DMD: variants seen among roughly 807,000 people sequenced by gnomAD.
DMD encodes mutant dystrophin.
A neutral mutation model predicts 330.1 loss-of-function variants in DMD; 63 were observed. The observed-to-expected ratio is 0.19, with a 90% CI of 0.16 to 0.24. The LOEUF (loss-of-function observed/expected upper bound fraction) is 0.24. Ranked by LOEUF, DMD falls within the 10% of genes least tolerant of loss-of-function variation. The probability of loss-of-function intolerance (pLI) is 1.00; values close to 1 mark genes in which losing one functional copy is unlikely to be tolerated. For missense variants in DMD, 3,344 were observed against 2,684.1 expected (o/e 1.25, Z -5.43); for synonymous variants, 1,223 against 959.8 (o/e 1.27, Z -5.07).
chrX:31,783,058 T>C (rs1471466439), intron 50 of DMD, among the ~76,000 whole-genome samples: 1 of 111,775 alleles, frequency 8.9e-6, no homozygotes, highest in Admixed American at 9.5e-5. Context: ...AAGACCACGC[T>C]ATTGATGAAG....
At chrX:31,740,760 T>C (rs2087266790) in intron 51 of DMD, among the ~76,000 whole-genome samples, 1 of 111,926 alleles carries the variant, frequency 8.9e-6, no homozygotes, top group African/African-American at 3.2e-5. Flanking sequence ...AGGGTGGCGG[T>C]TGCTGAAGGT....
intron 12 of DMD, among the ~76,000 whole-genome samples, chrX:32,605,269 T>A (rs1378641358): frequency 9.1e-6 from 1 of 110,417 alleles, no homozygotes; most frequent in Non-Finnish European, 1.9e-5. Flanking sequence ...CCAACACATC[T>A]TTAACAAAGT....
chrX:33,238,310 T>C (rs2052523899), intron 1 of DMD, among the ~76,000 whole-genome samples: 1 of 112,057 alleles, frequency 8.9e-6, no homozygotes, highest in South Asian at 3.7e-4. Context: ...ATTGAAGATG[T>C]TGAAAAAAGA....
At chrX:32,246,965 C>G (rs2097241548) in intron 43 of DMD, among the ~76,000 whole-genome samples, 1 of 111,128 alleles carries the variant, frequency 9.0e-6, no homozygotes, top group Non-Finnish European at 1.9e-5. Flanking sequence ...CACCCACACA[C>G]CCTACAGATA....
chrX:32,648,205 A>T (rs1008611685), intron 9 of DMD, among the ~76,000 whole-genome samples: 2 of 112,147 alleles, frequency 1.8e-5, no homozygotes, highest in African/African-American at 6.5e-5. Flanking sequence ...ATTTTGTCTG[A>T]GGATGTGCAT....
At chrX:31,169,786 C>A (rs2039807180) in intron 73 of DMD, among the ~76,000 whole-genome samples, 185 bp from the exon 74 acceptor site, 1 of 111,629 alleles carries the variant, frequency 9.0e-6, no homozygotes, top group Admixed American at 9.6e-5. Flanking sequence ...CTACTGGTAC[C>A]AATTCAAAGT....
At chrX:32,684,815 A>G (rs960510600) in intron 9 of DMD, among the ~76,000 whole-genome samples, 2 of 110,644 alleles carry the variant, frequency 1.8e-5, no homozygotes, top group African/African-American at 6.6e-5. Flanking sequence ...TTCTAGTTTT[A>G]CTTATTGATT....
rs749990013 is a variant in DMD at position 33,297,961 on chromosome X, C to CA, written c.7+41297dup. 2.8e-4 allele frequency among the ~76,000 whole-genome samples: 30 copies of CA among 108,768 alleles called. No homozygotes were observed. In the East Asian group the frequency reaches 4.9e-3, roughly 18 times the overall value. 94.5% of individuals were successfully genotyped at this position (108,768 alleles called of 115,157 possible). A position where few individuals can be genotyped will look rare whatever the true frequency, so the allele number is the denominator to read the frequency against. On this transcript the variant is annotated intron_variant, in intron 1 of 17. Transcript: ENST00000288447. ...GAGTAGATCATAAGTGTTCTCATCACAAAAAAAAGAGACTACTATGCCCGG... is the reference window on the plus strand; with the variant it reads ...GAGTAGATCATAAGTGTTCTCATCACAAAAAAAAAGAGACTACTATGCCCGG...
chrX:32,565,593 G>A (rs1026078973), intron 16 of DMD, 109 bp downstream of exon 16: 7 of 807,842 alleles, frequency 8.7e-6, no homozygotes, highest in African/African-American at 8.3e-5. Flanking sequence ...TAAACACAGG[G>A]CAAAAACTAA....
At chrX:32,809,417 T>C (rs72470521) in intron 7 of DMD, 76 bp downstream of exon 7, 7 of 865,681 alleles carry the variant, frequency 8.1e-6, no homozygotes, top group Non-Finnish European at 1.2e-5. Context: ...GTATTTTGTG[T>C]AGAAATGACA....
chrX:31,199,108 A>G (rs1314307865), intron 67 of DMD, among the ~76,000 whole-genome samples: 1 of 112,068 alleles, frequency 8.9e-6, no homozygotes, highest in African/African-American at 3.2e-5. Context: ...GGAGAGGTGC[A>G]GAAAATCCTC....
chrX:32,522,276 C>T (rs755486182), intron 17 of DMD, among the ~76,000 whole-genome samples: 4 of 111,827 alleles, frequency 3.6e-5, no homozygotes, highest in Non-Finnish European at 7.5e-5. Flanking sequence ...CCAAAAATAC[C>T]GCAATAGCTT....
intron 44 of DMD, among the ~76,000 whole-genome samples, chrX:32,122,750 G>A (rs2096642279): frequency 9.0e-6 from 1 of 110,994 alleles, no homozygotes; most frequent in Admixed American, 9.6e-5. Flanking sequence ...AATCCCTAAT[G>A]TGAACCTTTT....
intron 51 of DMD, among the ~76,000 whole-genome samples, chrX:31,730,383 T>C (rs1181326620): frequency 1.8e-5 from 2 of 112,163 alleles, no homozygotes; most frequent in African/African-American, 3.2e-5. Flanking sequence ...AATTAACTTT[T>C]ATGATTTAGG....
At chrX:31,748,594 C>CA (rs1484461058) in intron 51 of DMD, among the ~76,000 whole-genome samples, 20 of 112,127 alleles carry the variant, frequency 1.8e-4, no homozygotes, top group African/African-American at 6.5e-4. Flanking sequence ...TACAGCGTAG[C>CA]AATTACTACA....
At chrX:31,892,366 G>A (rs1811040420) in intron 47 of DMD, among the ~76,000 whole-genome samples, 1 of 110,703 alleles carries the variant, frequency 9.0e-6, no homozygotes, top group African/African-American at 3.3e-5. Flanking sequence ...TAATATGGTA[G>A]CCACTAACCA....
At chrX:31,894,912 T>A (rs772535537) in intron 47 of DMD, among the ~76,000 whole-genome samples, 5 of 110,639 alleles carry the variant, frequency 4.5e-5, no homozygotes, top group African/African-American at 1.6e-4. Flanking sequence ...AGCATGAATT[T>A]AAAAAAAAAT....
At chrX:33,085,429 A>C (rs957999113) in intron 1 of DMD, among the ~76,000 whole-genome samples, 1 of 111,745 alleles carries the variant, frequency 8.9e-6, no homozygotes, top group African/African-American at 3.2e-5. Context: ...TCCTAGTAAA[A>C]CAAGCTTCAG....
rs142819583 is a variant in DMD, at chrX:32,872,117, C to T, written c.94-22297G>A. Among the ~76,000 whole-genome samples the T allele has an allele frequency of 6.8e-3, 759 of 111,457 alleles. 14 individuals carry two copies. Among genetic ancestry groups the T allele is most frequent in the African/African-American group, 0.024 (725 of 30,685 alleles). ...CAGACTGAATGATTACTTGTATCAG[C>T]AGAAGACTTCAAGAGAGGATGACTA... On this transcript the variant is annotated intron_variant, in intron 2 of 78. Coordinates refer to ENST00000357033, the MANE Select transcript of DMD (RefSeq NM_004006.3).
Sources: allele counts gnomAD v4.1 joint callset (sites outside exome capture counted in the v4.1 genomes callset), GRCh38; gene constraint gnomAD v4.1.1; transcripts MANE v1.5; gene names NCBI Gene and HGNC (gene_info 2026-07-23, HGNC 2026-07-21).